ZNF649: variants seen among roughly 807,000 people sequenced by gnomAD.
ZNF649 encodes the protein zinc finger protein 649.
ZNF649 carries 7 observed loss-of-function variants against 14.1 expected under a neutral mutation model. That is an observed-to-expected ratio of 0.49 (90% CI 0.28 to 0.93). ZNF649 has a LOEUF of 0.93. Among genes scored for constraint, ZNF649 ranks in the 40% least tolerant of loss-of-function variants. ZNF649 has a pLI of 0.10. For missense variants in ZNF649, 544 were observed against 608.1 expected, an observed-to-expected ratio of 0.89 and a Z score of 1.11; for synonymous variants, 227 against 212.3, an observed-to-expected ratio of 1.07 and a Z score of -0.60.
chr19:51,902,685 A>G (rs1324353510), intron 1 of ZNF649, among the ~76,000 whole-genome samples: 6 of 148,690 alleles, frequency 4.0e-5, no homozygotes, highest in African/African-American at 1.3e-4. Context: ...CTGAATCATC[A>G]GAATTCTCGA....
intron 4 of ZNF649, among the ~76,000 whole-genome samples, chr19:51,894,104 C>T (rs1163948099): frequency 1.3e-5 from 2 of 151,960 alleles, no homozygotes; most frequent in Non-Finnish European, 2.9e-5. Flanking sequence ...TAACTGTGGC[C>T]TCCATGTGAC....
intron 1 of ZNF649, chr19:51,904,050 T>G (rs1346609924): frequency 6.5e-6 from 1 of 152,946 alleles, no homozygotes; most frequent in African/African-American, 2.4e-5. Flanking sequence ...ATGTTCCAAC[T>G]GCGTTCAAAT....
chr19:51,897,016 T>A (rs760153507), intron 2 of ZNF649, 38 bp from the exon 3 acceptor site: 2 of 1,612,650 alleles, frequency 1.2e-6, no homozygotes, highest in East Asian at 4.5e-5. Flanking sequence ...GTTTCTCTTT[T>A]ATTGACATGG....
intron 1 of ZNF649, among the ~76,000 whole-genome samples, chr19:51,901,195 G>A (rs1259127771): frequency 6.6e-6 from 1 of 152,102 alleles, no homozygotes; most frequent in Non-Finnish European, 1.5e-5. Flanking sequence ...GGTGCTCACT[G>A]CCTAACATTC....
intron 1 of ZNF649, among the ~76,000 whole-genome samples, chr19:51,900,958 T>C (rs1162664579): frequency 6.6e-6 from 1 of 152,192 alleles, no homozygotes; most frequent in African/African-American, 2.4e-5. Flanking sequence ...CAACCACTTA[T>C]TACTGTGAAA....
intron 1 of ZNF649, among the ~76,000 whole-genome samples, chr19:51,903,526 G>C (rs9973239): frequency 7.9e-5 from 12 of 152,096 alleles, no homozygotes; most frequent in Non-Finnish European, 5.9e-5. Flanking sequence ...CTTATAAATC[G>C]TAACAATCAT....
rs1189654312 is a variant in ZNF649, at chr19:51,890,780, G to A, written c.1356C>T (p.His452=). ...CTGAATCCCCCCGTTTCTCCCTTGAGTGTATTCTCTTATGTTTAACAAGGC... is the reference window on the plus strand; with the variant it reads ...CTGAATCCCCCCGTTTCTCCCTTGAATGTATTCTCTTATGTTTAACAAGGC... ...MSCLVKHKRI[H]SREKRGDSVK... is the part of the protein sequence containing the mutation. The change falls in exon 5 of 5, where the codon CAC becomes CAT. Residue 452 remains histidine, a synonymous_variant. Transcript: ENST00000354957. 2 of 1,614,098 alleles carry A rather than the reference G, an allele frequency of 1.2e-6. No homozygotes were observed. Among genetic ancestry groups the A allele is most frequent in the Non-Finnish European group, 1.7e-6 (2 of 1,180,044 alleles).
Position 51,900,139 on chromosome 19 carries a change from G to C in ZNF649, c.-32C>G, listed in dbSNP as rs762186189. 2.5e-5 allele frequency: 37 copies of C among 1,481,840 alleles called. No individual in the cohort carries two copies. Among genetic ancestry groups the C allele is most frequent in the Non-Finnish European group, 3.2e-5 (36 of 1,113,742 alleles). The allele number at this position is 1,481,840 out of a possible 1,614,324, so 91.8% of individuals were successfully genotyped here. ...CTGTTTCAGGAAATACCCAAGAACT[G>C]GGATGCTTCGTCTTTGGTTTCTTCT... On this transcript the variant is annotated 5_prime_UTR_variant, in exon 2 of 5. Coordinates refer to ENST00000354957, the MANE Select transcript of ZNF649 (RefSeq NM_023074.4).
At chr19:51,903,672 A>C (rs932795927) in intron 1 of ZNF649, among the ~76,000 whole-genome samples, 4 of 152,128 alleles carry the variant, frequency 2.6e-5, no homozygotes, top group African/African-American at 9.7e-5. Context: ...TACAAAAATT[A>C]GCCGGGCGTG....
At chr19:51,892,691 C>T (rs1016798962) in intron 4 of ZNF649, among the ~76,000 whole-genome samples, 3 of 152,154 alleles carry the variant, frequency 2.0e-5, no homozygotes, top group Non-Finnish European at 4.4e-5. Context: ...ATTCTGTAGA[C>T]CATCATCACG....
rs765250861 is a variant in ZNF649, at chr19:51,890,702, A to G, written c.1434T>C (p.His478=). The part of the protein sequence containing the change: ...TASHSLSPSE[H]VQGKSPVNMV... ...TATTAACAGGGCTTTTCCCCTGCAC[A>G]TGTTCACTAGGACTTAAGCTGTGAC... is the stretch of plus-strand genomic sequence containing the variant. Residue 478 remains histidine (H), a synonymous_variant, in exon 5 of 5, where the codon CAT becomes CAC. Coordinates refer to ENST00000354957, the MANE Select transcript of ZNF649 (RefSeq NM_023074.4). The G allele has an allele frequency of 5.0e-6, 8 of 1,614,220 alleles. No individual in the cohort carries two copies. Among genetic ancestry groups the G allele is most frequent in the Admixed American group, 3.3e-5 (2 of 60,028 alleles).
chr19:51,892,220 A>T lies in ZNF649; in HGVS notation c.239-323T>A, dbSNP rs147693769. Among the ~76,000 whole-genome samples, 552 of 151,920 alleles carry T rather than the reference A, an allele frequency of 3.6e-3. 2 individuals carry two copies. The highest frequency in any genetic ancestry group is 1.0e-2 in the African/African-American group (414 of 41,424). On this transcript the variant is annotated intron_variant, in intron 4 of 4. Transcript: ENST00000354957. ...GAAACCCCATCTCTACTAAAAATACAAAAAAATTGGCTGGGCGTGGTGGCA... is the reference window on the plus strand; with the variant it reads ...GAAACCCCATCTCTACTAAAAATACTAAAAAATTGGCTGGGCGTGGTGGCA...
chr19:51,899,950 G>T, intron 2 of ZNF649, 143 bp downstream of exon 2: 1 of 595,628 alleles, frequency 1.7e-6, no homozygotes, highest in Non-Finnish European at 2.7e-6. Flanking sequence ...ACTTTGTCCT[G>T]GATTAAAGGT....
chr19:51,896,529 C>A lies in ZNF649; in HGVS notation c.181G>T (p.Glu61Ter). 1 of 1,614,074 alleles carries A rather than the reference C, an allele frequency of 6.2e-7. No individual in the cohort carries two copies. ...AGTGTCCATAGTGGTTCTCCTTGTT[C>A]CAACTTGGTGAGGGCATCAGGTTTG... ...AGKPDALTKL[E>*]QGEPLWTLED... The change falls in exon 4 of 5, where the codon GAA (glutamate) becomes TAA (stop). Residue 61 changes from glutamate to a stop codon, truncating the protein, a stop_gained. Transcript: ENST00000354957. LOFTEE classifies it high-confidence loss of function.
intron 2 of ZNF649, 94 bp downstream of exon 2, chr19:51,899,999 C>T: frequency 8.3e-7 from 1 of 1,202,612 alleles, no homozygotes; most frequent in Non-Finnish European, 1.1e-6. Context: ...TCATTTTTTC[C>T]AATTTATACT....
chr19:51,898,913 T>TTAAAAAA (rs1187661448), intron 2 of ZNF649, among the ~76,000 whole-genome samples: 3 of 148,340 alleles, frequency 2.0e-5, no homozygotes, highest in Non-Finnish European at 4.4e-5. Context: ...CTCCATCTCA[T>TTAAAAAA]TAAAAAATAA....
In ZNF649 at chr19:51,890,558, T is replaced by C. The variant is rs2085012232; in HGVS notation, c.*60A>G. ...ATTAGTGCAGGGAGCCAAAGGCCCATGGGACATGACAAACTCAGCATTCCG... is the reference window on the plus strand; with the variant it reads ...ATTAGTGCAGGGAGCCAAAGGCCCACGGGACATGACAAACTCAGCATTCCG... On this transcript the variant is annotated 3_prime_UTR_variant, in exon 5 of 5. Transcript: ENST00000354957. 3 of 1,148,120 alleles carry C rather than the reference T, an allele frequency of 2.6e-6. No individual in the cohort carries two copies. The highest frequency in any genetic ancestry group is 1.5e-5 in the African/African-American group (1 of 65,710). 71.1% of individuals were successfully genotyped at this position (1,148,120 alleles called of 1,614,324 possible). A position where few individuals can be genotyped will look rare whatever the true frequency, so the allele number is the denominator to read the frequency against.
At chr19:51,899,230 C>T (rs2085081707) in intron 2 of ZNF649, among the ~76,000 whole-genome samples, 1 of 152,142 alleles carries the variant, frequency 6.6e-6, no homozygotes, top group South Asian at 2.1e-4. Flanking sequence ...GAGTCATTTG[C>T]ATAATTTTTT....
chr19:51,899,988 C>A (rs2085085957), intron 2 of ZNF649, 105 bp downstream of exon 2: 2 of 1,015,846 alleles, frequency 2.0e-6, no homozygotes, highest in South Asian at 2.6e-5. Flanking sequence ...CTCCCCAGAG[C>A]TCATTTTTTC....
Sources: gnomAD v4.1 joint callset for allele counts (sites outside exome capture counted in the v4.1 genomes callset) on GRCh38, gnomAD v4.1.1 for gene constraint, MANE v1.5 for transcripts, NCBI Gene and HGNC (gene_info 2026-07-23, HGNC 2026-07-21) for gene names.